Variants in CYREN observed in about 807,000 individuals in gnomAD.
CYREN encodes cell cycle regulator of non-homologous end joining.
Under a neutral mutation model 9.7 loss-of-function variants are expected in CYREN, and 7 were observed. The observed-to-expected ratio is 0.72, with a 90% CI of 0.41 to 1.36. The LOEUF (loss-of-function observed/expected upper bound fraction) is 1.36. Ranked by LOEUF, CYREN falls within the 40% of genes most tolerant of loss-of-function variation. CYREN has a pLI of 0.01. For synonymous variants in CYREN, 76 were observed against 77.9 expected (o/e 0.98, Z 0.13); for missense variants, 215 against 198.1 (o/e 1.09, Z -0.51).
intron 2 of CYREN, among the ~76,000 whole-genome samples, chr7:135,123,375 C>T (rs1827413585): frequency 6.6e-6 from 1 of 152,156 alleles, no homozygotes; most frequent in South Asian, 2.1e-4. Context: ...AACAAAGCCT[C>T]CAAGAAATGT....
intron 2 of CYREN, among the ~76,000 whole-genome samples, chr7:135,118,878 G>C (rs1229509871): frequency 6.6e-6 from 1 of 152,016 alleles, no homozygotes; most frequent in Admixed American, 6.5e-5. Flanking sequence ...AATTTTAAAA[G>C]CTTAATGGCT....
chr7:135,107,656 A>G (rs1238453872), intron 2 of CYREN, among the ~76,000 whole-genome samples: 5 of 152,164 alleles, frequency 3.3e-5, no homozygotes, highest in Admixed American at 1.3e-4. Flanking sequence ...ATTTTAGAGT[A>G]TGTACCATAT....
downstream of CYREN, chr7:135,165,167 C>A: frequency 1.4e-6 from 1 of 707,790 alleles, no homozygotes; most frequent in South Asian, 2.3e-5. Flanking sequence ...CAAGGGCAGC[C>A]AGGGCACCTG....
chr7:135,138,631 G>A (rs1829398102), intron 2 of CYREN, among the ~76,000 whole-genome samples: 1 of 151,950 alleles, frequency 6.6e-6, no homozygotes, highest in African/African-American at 2.4e-5. Context: ...AATAATAAAG[G>A]TTTGTTACAT....
At chr7:135,098,781 A>G (rs1823316883) in intron 2 of CYREN, among the ~76,000 whole-genome samples, 1 of 152,180 alleles carries the variant, frequency 6.6e-6, no homozygotes, top group South Asian at 2.1e-4. Context: ...AAAATATCCT[A>G]CTTTATCATG....
rs1562931388 is a variant in CYREN at position 135,167,658 on chromosome 7, T to G, written c.213+74A>C. 3.1e-6 allele frequency: 5 copies of G among 1,591,892 alleles called. No individual in the cohort carries two copies. The South Asian group carries it at 3.4e-5, about 11-fold the overall frequency. ...CTACGGCAGAGGGCGTCTCTCTTACTGACGGTGACCAAGGGTCTAGCCTCT... is the reference window on the plus strand; with the variant it reads ...CTACGGCAGAGGGCGTCTCTCTTACGGACGGTGACCAAGGGTCTAGCCTCT... On this transcript the variant is annotated intron_variant, in intron 3 of 3. Transcript: ENST00000393114.
intron 2 of CYREN, among the ~76,000 whole-genome samples, chr7:135,109,518 G>A (rs1400996248): frequency 6.6e-6 from 1 of 152,180 alleles, no homozygotes; most frequent in Non-Finnish European, 1.5e-5. Flanking sequence ...TATGCTGGGG[G>A]TCTGCTCCAG....
intron 2 of CYREN, among the ~76,000 whole-genome samples, chr7:135,148,539 G>A (rs184962235): frequency 1.9e-3 from 294 of 152,312 alleles, no homozygotes; most frequent in African/African-American, 6.7e-3. Context: ...AGTATAACTG[G>A]TTAGAAACGA....
intron 2 of CYREN, chr7:135,135,512 GA>G: frequency 7.1e-6 from 2 of 281,914 alleles, no homozygotes; most frequent in South Asian, 1.5e-4. Context: ...TATCAGCATG[GA>G]AAAAAATCTC....
At chr7:135,124,767 TG>T (rs754365092) in intron 2 of CYREN, among the ~76,000 whole-genome samples, 3 of 152,192 alleles carry the variant, frequency 2.0e-5, no homozygotes, top group Non-Finnish European at 2.9e-5. Context: ...CACGATTACA[TG>T]GAAATTGAAC....
intron 2 of CYREN, chr7:135,115,571 C>T: frequency 1.9e-6 from 3 of 1,551,108 alleles, no homozygotes; most frequent in African/African-American, 2.7e-5. Flanking sequence ...TCAGATAAAA[C>T]AGCTATTCAA....
intron 2 of CYREN, among the ~76,000 whole-genome samples, chr7:135,153,744 A>G (rs1829720417): frequency 6.6e-6 from 1 of 152,124 alleles, no homozygotes; most frequent in Non-Finnish European, 1.5e-5. Context: ...TTGATTTACT[A>G]GTATTTTGTT....
chr7:135,103,880 AT>A (rs545154405), intron 2 of CYREN, among the ~76,000 whole-genome samples: 39 of 150,690 alleles, frequency 2.6e-4, no homozygotes, highest in African/African-American at 5.6e-4. Context: ...CAACTGCTTT[AT>A]TTTTTTTTAA....
chr7:135,143,472 T>G (rs1257803963), intron 2 of CYREN, among the ~76,000 whole-genome samples: 2 of 152,016 alleles, frequency 1.3e-5, no homozygotes, highest in Non-Finnish European at 2.9e-5. Context: ...AAAAATTAAC[T>G]GAAAATGGAT....
At position 135,120,404 on chromosome 7, in the gene CYREN, G is replaced by C. The variant is rs145791716; in HGVS notation, n.357-25822C>G. Among the ~76,000 whole-genome samples the C allele has an allele frequency of 5.2e-3, 796 of 152,212 alleles. 2 individuals are homozygous for C. The highest frequency in any genetic ancestry group is 0.015 in the African/African-American group (627 of 41,518). On this transcript the variant is annotated intron_variant and non_coding_transcript_variant, in intron 2 of 2. Transcript: ENST00000459937. ...TAAGTTAACACAACCAATAAATTGT[G>C]ATAAGTTATGCATATGTAGTATAAT...
intron 2 of CYREN, among the ~76,000 whole-genome samples, chr7:135,107,706 A>C (rs531137350): frequency 6.6e-6 from 1 of 152,190 alleles, no homozygotes; most frequent in Non-Finnish European, 1.5e-5. Context: ...TTTAGGATGG[A>C]GAGTTCTGTA....
At chr7:135,139,750 A>T (rs1285916322) in intron 2 of CYREN, among the ~76,000 whole-genome samples, 1 of 152,102 alleles carries the variant, frequency 6.6e-6, no homozygotes, top group African/African-American at 2.4e-5. Context: ...ATTTTTGTAT[A>T]TGGTGAAAGG....
intron 2 of CYREN, among the ~76,000 whole-genome samples, chr7:135,111,017 G>T (rs1177299500): frequency 6.6e-6 from 1 of 152,092 alleles, no homozygotes; most frequent in African/African-American, 2.4e-5. Flanking sequence ...ATTCTCCAAA[G>T]TAACTATTCT....
In CYREN at chr7:135,095,810, G is replaced by A. The variant is rs182325155; in HGVS notation, n.357-1228C>T. Among the ~76,000 whole-genome samples, 6 of 152,256 alleles carry A rather than the reference G, an allele frequency of 3.9e-5. No homozygotes were observed. The East Asian group carries it at 5.8e-4, about 15-fold the overall frequency. The stretch of plus-strand genomic sequence containing the variant: ...CAGGGGAGCATCACTCTGAGTGGAC[G>A]GGGGTACTGAAGTGCAACTTAAGTG... On this transcript the variant is annotated intron_variant and non_coding_transcript_variant, in intron 2 of 2. Coordinates refer to the CYREN transcript ENST00000459937.
Sources: allele counts gnomAD v4.1 joint callset (sites outside exome capture counted in the v4.1 genomes callset), GRCh38; gene constraint gnomAD v4.1.1; transcripts MANE v1.5; gene names NCBI Gene and HGNC (gene_info 2026-07-23, HGNC 2026-07-21).